The following RBFOX1 variants were observed in gnomAD, a reference collection of about 807,000 sequenced individuals.
The protein encoded by RBFOX1 is RNA binding protein fox-1 homolog 1.
A neutral mutation model predicts 57.7 loss-of-function variants in RBFOX1; 8 were observed. The ratio of observed to expected loss-of-function variants is 0.14; its 90% CI spans 0.08 to 0.25. The LOEUF is 0.25. RBFOX1 is among the 10% of genes least tolerant of loss of function. The pLI is 1.00. For missense variants in RBFOX1, 611 were observed against 548.5 expected, an observed-to-expected ratio of 1.11 and a Z score of -1.14; for synonymous variants, 326 against 222.4, an observed-to-expected ratio of 1.47 and a Z score of -4.15.
intron 3 of RBFOX1, among the ~76,000 whole-genome samples, chr16:6,908,146 C>A (rs1183701516): frequency 2.0e-5 from 3 of 151,744 alleles, no homozygotes; most frequent in Non-Finnish European, 4.4e-5. Context: ...AACAATTCAG[C>A]TCCTAACAAT....
intron 3 of RBFOX1, among the ~76,000 whole-genome samples, chr16:7,037,144 C>G (rs182725702): frequency 6.7e-6 from 1 of 149,014 alleles, no homozygotes; most frequent in East Asian, 2.0e-4. Flanking sequence ...CGACCTGTAT[C>G]TTGTCTTGTG....
intron 1 of RBFOX1, among the ~76,000 whole-genome samples, chr16:5,452,653 T>C (rs1341204853): frequency 6.6e-6 from 1 of 151,784 alleles, no homozygotes; most frequent in East Asian, 2.0e-4. Context: ...CCTTGACTTT[T>C]TTTTTTTTGA....
chr16:7,531,556 G>C (rs1567693357), intron 5 of RBFOX1, among the ~76,000 whole-genome samples: 1 of 152,162 alleles, frequency 6.6e-6, no homozygotes, highest in Non-Finnish European at 1.5e-5. Flanking sequence ...ACGGTCCACT[G>C]TCTTACCCAG....
intron 3 of RBFOX1, among the ~76,000 whole-genome samples, chr16:6,731,480 C>G (rs574356152): frequency 1.3e-5 from 2 of 152,266 alleles, no homozygotes; most frequent in South Asian, 2.1e-4. Context: ...TTGCAGAATT[C>G]TAGCTGCGAG....
chr16:6,991,628 C>G (rs2091470108), intron 3 of RBFOX1, among the ~76,000 whole-genome samples: 1 of 152,094 alleles, frequency 6.6e-6, no homozygotes, highest in African/African-American at 2.4e-5. Context: ...CTTCCACCTC[C>G]CAGGCTCAAG....
intron 1 of RBFOX1, among the ~76,000 whole-genome samples, chr16:5,396,066 T>C (rs1215212474): frequency 2.6e-5 from 4 of 152,216 alleles, no homozygotes; most frequent in Non-Finnish European, 5.9e-5. Context: ...ACCTGTGACC[T>C]GTAGAAACTG....
chr16:7,000,592 C>CTTTTTTTTTTTTTTTTTTT (rs1568307066), intron 3 of RBFOX1, among the ~76,000 whole-genome samples: 2 of 84,052 alleles, frequency 2.4e-5, no homozygotes, highest in African/African-American at 8.3e-5. Context: ...CTTTCTTTTT[C>CTTTTTTTTTTTTTTTTTTT]TTTCTTTTTT....
At chr16:6,034,487 T>C (rs12924704) in intron 1 of RBFOX1, among the ~76,000 whole-genome samples, 110,032 of 151,778 alleles carry the variant, frequency 0.72, 40,584 homozygotes, top group East Asian at 0.89. Flanking sequence ...TCCAAGATGG[T>C]GCTTCCTGGC....
In RBFOX1 at chr16:6,173,351, T is replaced by C. The variant is rs545919566; in HGVS notation, c.-126-143644T>C. On this transcript the variant is annotated intron_variant, in intron 1 of 15. Transcript: ENST00000550418. ...TTGAAGAGATCCAATGTCTTTAAAG[T>C]GCCTAGTGGGATACCTGGCACATGG... is the stretch of plus-strand genomic sequence containing the variant. 7.9e-5 allele frequency among the ~76,000 whole-genome samples: 12 copies of C among 152,286 alleles called. No individual in the cohort carries two copies. The South Asian group carries it at 2.5e-3, about 32-fold the overall frequency.
At chr16:5,962,781 G>A (rs2059774271) in intron 4 of RBFOX1, among the ~76,000 whole-genome samples, 1 of 149,700 alleles carries the variant, frequency 6.7e-6, no homozygotes, top group Admixed American at 6.7e-5. Flanking sequence ...TCGCTTTTCA[G>A]TAATCCAGCA....
chr16:7,373,286 G>A (rs950518282), intron 4 of RBFOX1, among the ~76,000 whole-genome samples: 1 of 152,012 alleles, frequency 6.6e-6, no homozygotes, highest in East Asian at 1.9e-4. Flanking sequence ...ACCAACCTAA[G>A]GAACATACGT....
chr16:6,145,335 C>G (rs9927501), intron 1 of RBFOX1, among the ~76,000 whole-genome samples: 4,771 of 152,222 alleles, frequency 0.031, 274 homozygotes, highest in African/African-American at 0.11. Flanking sequence ...AGGCCTCCAA[C>G]TCCATCCATG....
At chr16:7,211,945 C>G (rs2091225333) in intron 4 of RBFOX1, among the ~76,000 whole-genome samples, 1 of 152,142 alleles carries the variant, frequency 6.6e-6, no homozygotes, top group African/African-American at 2.4e-5. Flanking sequence ...GCCTTTTCCT[C>G]TCACCCCTAC....
intron 1 of RBFOX1, among the ~76,000 whole-genome samples, chr16:6,070,299 G>A (rs770496467): frequency 6.6e-6 from 1 of 152,126 alleles, no homozygotes; most frequent in South Asian, 2.1e-4. Flanking sequence ...AGACGTCATG[G>A]GAGTTAATAA....
intron 3 of RBFOX1, among the ~76,000 whole-genome samples, chr16:6,851,151 T>G (rs2094038037): frequency 6.6e-6 from 1 of 152,208 alleles, no homozygotes; most frequent in Non-Finnish European, 1.5e-5. Context: ...AATCATTTTG[T>G]CCAGTCTCAG....
chr16:6,513,848 A>C (rs1480679304), intron 2 of RBFOX1, among the ~76,000 whole-genome samples: 1 of 152,106 alleles, frequency 6.6e-6, no homozygotes, highest in African/African-American at 2.4e-5. Context: ...GAGTGTTCTC[A>C]TTGGTTTGGA....
chr16:5,844,912 A>T (rs1287966988), intron 3 of RBFOX1, among the ~76,000 whole-genome samples: 1 of 152,178 alleles, frequency 6.6e-6, no homozygotes, highest in Non-Finnish European at 1.5e-5. Context: ...GCCGTTAAGA[A>T]CACCAAGAGT....
chr16:7,045,091 C>T (rs1047260265), intron 3 of RBFOX1, among the ~76,000 whole-genome samples: 1 of 152,072 alleles, frequency 6.6e-6, no homozygotes, highest in East Asian at 1.9e-4. Flanking sequence ...GATCTGCATT[C>T]GATGATCCCT....
At chr16:7,287,732 T>C (rs915134130) in intron 4 of RBFOX1, among the ~76,000 whole-genome samples, 1 of 152,212 alleles carries the variant, frequency 6.6e-6, no homozygotes, top group Non-Finnish European at 1.5e-5. Flanking sequence ...AATATCTATG[T>C]AGATCTATAT....
Sources: allele counts gnomAD v4.1 joint callset (sites outside exome capture counted in the v4.1 genomes callset), GRCh38; gene constraint gnomAD v4.1.1; transcripts MANE v1.5; gene names NCBI Gene and HGNC (gene_info 2026-07-23, HGNC 2026-07-21).